Variants in KIF4A observed in about 807,000 individuals in gnomAD.
The protein encoded by KIF4A is chromosome-associated kinesin KIF4A.
KIF4A carries 7 observed loss-of-function variants against 105.9 expected under a neutral mutation model. That is an observed-to-expected ratio of 0.07 (90% CI 0.04 to 0.12). The LOEUF is 0.12. Ranked by LOEUF, KIF4A falls within the 10% of genes least tolerant of loss-of-function variation. The pLI is 1.00. For synonymous variants in KIF4A, 281 were observed against 331.3 expected (o/e 0.85, Z 1.65); for missense variants, 558 against 929.2 (o/e 0.60, Z 5.19).
intron 15 of KIF4A, among the ~76,000 whole-genome samples, chrX:70,360,155 G>T (rs939444019): frequency 8.9e-6 from 1 of 111,864 alleles, no homozygotes; most frequent in African/African-American, 3.2e-5. Flanking sequence ...TGGGGCACGC[G>T]GTTTTCACAC....
At chrX:70,396,105 G>A in intron 22 of KIF4A, 56 bp downstream of exon 22, 1 of 872,800 alleles carries the variant, frequency 1.1e-6, no homozygotes, top group Non-Finnish European at 1.6e-6. Context: ...ATCAAAAATT[G>A]AACCTATTAA....
At chrX:70,395,848 T>C in intron 21 of KIF4A, 22 bp downstream of exon 21, 2 of 1,208,605 alleles carry the variant, frequency 1.7e-6, no homozygotes, top group East Asian at 3.0e-5. Context: ...TATGAAAAAA[T>C]GTTGCCAATA....
At position 70,305,449 on chromosome X, in the gene KIF4A, T is replaced by C. The variant is rs1248820782; in HGVS notation, c.778+3051T>C. On this transcript the variant is annotated intron_variant, in intron 7 of 30. Transcript: ENST00000374403. ...ATTTCATATAAATGGAATTATACAATATGTGGTCTTTTGTGACTGGCTTCT... is the reference window on the plus strand; with the variant it reads ...ATTTCATATAAATGGAATTATACAACATGTGGTCTTTTGTGACTGGCTTCT... Among the ~76,000 whole-genome samples the C allele has an allele frequency of 4.5e-5, 5 of 112,274 alleles. 1 individual carries two copies. The highest frequency in any genetic ancestry group is 9.7e-5 in the African/African-American group (3 of 30,927).
intron 22 of KIF4A, among the ~76,000 whole-genome samples, chrX:70,401,079 A>AT (rs1271801890): frequency 0.051 from 3,790 of 74,022 alleles, 103 homozygotes; most frequent in Non-Finnish European, 0.071. Context: ...TAGGTTTATG[A>AT]TTTTTTTTTT....
intron 7 of KIF4A, among the ~76,000 whole-genome samples, chrX:70,316,520 A>C (rs867447315): frequency 1.1e-5 from 1 of 90,826 alleles, no homozygotes; most frequent in African/African-American, 6.3e-5. Context: ...ATTACACATA[A>C]ATATATATTA....
In KIF4A at chrX:70,369,939, T is replaced by A. The variant is rs140938741; in HGVS notation, c.1675-4212T>A. On this transcript the variant is annotated intron_variant, in intron 15 of 30. Transcript: ENST00000374403. ...AGTCAGTGACAGACCATGGATACAA[T>A]GATAGTCCCATAAGATTGTAATACT... Among the ~76,000 whole-genome samples, 324 of 111,373 alleles carry A rather than the reference T, an allele frequency of 2.9e-3. 7 individuals are homozygous for A. In the East Asian group the frequency reaches 0.066, roughly 23 times the overall value.
chrX:70,328,791 G>A (rs1039427547), intron 7 of KIF4A, among the ~76,000 whole-genome samples: 2 of 111,970 alleles, frequency 1.8e-5, no homozygotes, highest in African/African-American at 6.5e-5. Context: ...AACTTCAGAG[G>A]TTATTACAGT....
intron 15 of KIF4A, among the ~76,000 whole-genome samples, chrX:70,365,607 C>T (rs757130752): frequency 1.9e-3 from 207 of 111,216 alleles, no homozygotes; most frequent in Middle Eastern, 0.014. Flanking sequence ...TTGATCATGG[C>T]GGATAAGCTT....
At chrX:70,383,320 A>G (rs767659972) in intron 18 of KIF4A, among the ~76,000 whole-genome samples, 21 of 112,142 alleles carry the variant, frequency 1.9e-4, no homozygotes, top group Non-Finnish European at 3.6e-4. Context: ...CAAAACCACA[A>G]TGAGATGCAA....
rs1294664794 is a variant in KIF4A at position 70,341,841 on chromosome X, T to C, written c.1176T>C (p.Asn392=). 2 of 1,211,594 alleles carry C rather than the reference T, an allele frequency of 1.7e-6. No homozygotes were observed. The highest frequency in any genetic ancestry group is 3.5e-5 in the South Asian group (2 of 56,938). Residue 392 remains asparagine, a synonymous_variant, in exon 11 of 31, where the codon AAT becomes AAC. Coordinates refer to ENST00000374403, the MANE Select transcript of KIF4A (RefSeq NM_012310.5). ...ATCTACAATCCCTGATGGAGAAGAA[T>C]CAGTCCCTGGTAGAGGAGAATGAAA... is the stretch of plus-strand genomic sequence containing the variant. ...SENLQSLMEK[N]QSLVEENEKL... is the part of the protein sequence containing the mutation.
intron 19 of KIF4A, 80 bp downstream of exon 19, chrX:70,386,781 A>G: frequency 1.4e-6 from 1 of 735,361 alleles, no homozygotes; most frequent in Non-Finnish European, 2.1e-6. Context: ...CCTTTAAACT[A>G]GCAAGCGTCC....
intron 9 of KIF4A, among the ~76,000 whole-genome samples, chrX:70,332,653 A>G (rs1001036523): frequency 7.2e-5 from 8 of 111,352 alleles, no homozygotes; most frequent in African/African-American, 2.6e-4. Context: ...TTTAATCTGA[A>G]TAGGAAGGAT....
chrX:70,373,854 A>G (rs2086164024), intron 15 of KIF4A, among the ~76,000 whole-genome samples: 1 of 98,575 alleles, frequency 1.0e-5, no homozygotes, highest in South Asian at 4.8e-4. Context: ...ACATACACAC[A>G]CACACACACA....
At chrX:70,389,609 TC>T (rs1209830595) in intron 20 of KIF4A, among the ~76,000 whole-genome samples, 4 of 112,513 alleles carry the variant, frequency 3.6e-5, no homozygotes, top group Non-Finnish European at 1.9e-5. Context: ...CGCTAAGATT[TC>T]CCCCTAAGTT....
At chrX:70,344,124 A>G (rs2085982752) in intron 13 of KIF4A, 142 bp downstream of exon 13, 1 of 467,082 alleles carries the variant, frequency 2.1e-6, no homozygotes. Flanking sequence ...GGATCATTTG[A>G]TATGATCTGA....
At chrX:70,358,424 C>A (rs1169814936) in intron 15 of KIF4A, among the ~76,000 whole-genome samples, 1 of 111,395 alleles carries the variant, frequency 9.0e-6, no homozygotes, top group Non-Finnish European at 1.9e-5. Flanking sequence ...TTTTCTATTT[C>A]TTTGTCTTTT....
intron 20 of KIF4A, among the ~76,000 whole-genome samples, chrX:70,390,467 C>CT (rs892266026): frequency 9.0e-6 from 1 of 110,963 alleles, no homozygotes; most frequent in African/African-American, 3.3e-5. Context: ...GAAGAAGTTC[C>CT]TTTTTTTAGC....
At position 70,395,952 on chromosome X, in the gene KIF4A, C is replaced by T. The variant is rs140043924; in HGVS notation, c.2392C>T (p.Arg798Cys). The T allele has an allele frequency of 2.5e-6, 3 of 1,202,559 alleles. No individual in the cohort carries two copies. The highest frequency in any genetic ancestry group is 3.4e-6 in the Non-Finnish European group (3 of 889,308). Residue 798 changes from arginine to cysteine, a missense_variant, in exon 22 of 31, where the codon CGT (arginine) becomes TGT (cysteine). Transcript: ENST00000374403. Reference protein sequence around the residue: ...GENPPPKLRRRTFSLTEVRGQ... With the variant: ...GENPPPKLRRCTFSLTEVRGQ... ...TTGTTCTCACTATTATTTACAGAGG[C>T]GTACATTCTCCCTTACTGAAGTGCG...
Position 70,333,660 on chromosome X carries a change from C to T in KIF4A, c.1104C>T (p.Ala368=). ...AGCTACAAGTCTTGTTGCTACAGGCCCATGGAGGTACCCTGCCTGGATCTA... is the reference window on the plus strand; with the variant it reads ...AGCTACAAGTCTTGTTGCTACAGGCTCATGGAGGTACCCTGCCTGGATCTA... ...VQQLQVLLLQ[A]HGGTLPGSIT... is the part of the protein sequence containing the mutation. Residue 368 remains alanine, a synonymous_variant, in exon 10 of 31, where the codon GCC becomes GCT. Transcript: ENST00000374403. 8.3e-7 allele frequency: 1 copy of T among 1,198,075 alleles called. No homozygotes were observed. Among genetic ancestry groups the T allele is most frequent in the African/African-American group, 1.7e-5 (1 of 57,522 alleles).
Sources: gnomAD v4.1 joint callset for allele counts (sites outside exome capture counted in the v4.1 genomes callset) on GRCh38, gnomAD v4.1.1 for gene constraint, MANE v1.5 for transcripts, NCBI Gene and HGNC (gene_info 2026-07-23, HGNC 2026-07-21) for gene names.